Variants in AP3S2 observed in about 807,000 individuals in gnomAD.
AP3S2 encodes the protein AP-3 complex subunit sigma-2.
Under a neutral mutation model 23.4 loss-of-function variants are expected in AP3S2, and 22 were observed. That is an observed-to-expected ratio of 0.94 (90% CI 0.67 to 1.34). The LOEUF (loss-of-function observed/expected upper bound fraction) is 1.34, where lower values mean the gene tolerates loss of function less well. AP3S2 is among the 40% of genes most tolerant of loss of function. The pLI is 0.00. For missense variants in AP3S2, 241 were observed against 236.9 expected (o/e 1.02, Z -0.11); for synonymous variants, 86 against 87.1 (o/e 0.99, Z 0.07).
intron 3 of AP3S2, among the ~76,000 whole-genome samples, chr15:89,874,777 G>A (rs918899631): frequency 2.0e-5 from 3 of 152,202 alleles, no homozygotes; most frequent in Non-Finnish European, 1.5e-5. Flanking sequence ...CCAAGACCTT[G>A]TCTCTAAATA....
chr15:89,890,910 T>C lies in AP3S2; in HGVS notation c.70-1770A>G, dbSNP rs190877932. 6.4e-4 allele frequency among the ~76,000 whole-genome samples: 97 copies of C among 152,348 alleles called. No individual in the cohort carries two copies. In the South Asian group the frequency reaches 0.013, roughly 20 times the overall value. On this transcript the variant is annotated intron_variant, in intron 1 of 5. Transcript: ENST00000336418. Reference sequence around the variant, plus strand: ...TGAATGAAAACTTGCTAATCATTGGTCACTACAAATTTGAGTAAATTAATC... The same window carrying C: ...TGAATGAAAACTTGCTAATCATTGGCCACTACAAATTTGAGTAAATTAATC...
chr15:89,877,883 A>AT (rs1453960750), intron 3 of AP3S2, among the ~76,000 whole-genome samples: 2 of 152,164 alleles, frequency 1.3e-5, no homozygotes, highest in Non-Finnish European at 2.9e-5. Flanking sequence ...GAAAAATAAG[A>AT]TTTTTTTCAT....
chr15:89,861,167 T>C (rs1245506874), intron 4 of AP3S2, among the ~76,000 whole-genome samples: 1 of 152,218 alleles, frequency 6.6e-6, no homozygotes, highest in Non-Finnish European at 1.5e-5. Context: ...AATTTTGAAC[T>C]CTCAGCATTT....
intron 4 of AP3S2, among the ~76,000 whole-genome samples, chr15:89,869,118 T>C (rs886257169): frequency 6.6e-6 from 1 of 152,162 alleles, no homozygotes; most frequent in African/African-American, 2.4e-5. Context: ...GGCGGCTTTG[T>C]GGAACAGAAA....
At chr15:89,856,213 C>T (rs369484506) in intron 4 of AP3S2, among the ~76,000 whole-genome samples, 1 of 152,148 alleles carries the variant, frequency 6.6e-6, no homozygotes, top group East Asian at 1.9e-4. Context: ...CGAAACTAGC[C>T]AGTATGCACA....
At position 89,831,542 on chromosome 15, in the gene AP3S2, A is replaced by G. The variant is rs1390670383; in HGVS notation, c.*3973T>C. ...AATCATTGCTGCATCCTATTTGGAA[A>G]GCAATGGACAGACAGCCACGCTGAA... On this transcript the variant is annotated 3_prime_UTR_variant, in exon 6 of 6. Coordinates refer to ENST00000336418, the MANE Select transcript of AP3S2 (RefSeq NM_005829.5). The G allele has an allele frequency of 6.6e-6, 1 of 152,280 alleles. No homozygotes were observed. The highest frequency in any genetic ancestry group is 2.4e-5 in the African/African-American group (1 of 41,476). 9.4% of individuals were successfully genotyped at this position (152,280 alleles called of 1,614,324 possible). A position where few individuals can be genotyped will look rare whatever the true frequency, so the allele number is the denominator to read the frequency against.
chr15:89,841,436 G>C (rs1895327577), intron 4 of AP3S2, among the ~76,000 whole-genome samples: 1 of 152,146 alleles, frequency 6.6e-6, no homozygotes, highest in South Asian at 2.1e-4. Flanking sequence ...AGGGAAGCTG[G>C]TGATCTCAGA....
At chr15:89,855,931 T>A (rs1246259732) in intron 4 of AP3S2, among the ~76,000 whole-genome samples, 5 of 103,364 alleles carry the variant, frequency 4.8e-5, no homozygotes, top group East Asian at 2.6e-4. Context: ...TATGAATAAA[T>A]ATGATATGTC....
At chr15:89,879,132 G>C (rs1896512058) in intron 3 of AP3S2, among the ~76,000 whole-genome samples, 1 of 152,240 alleles carries the variant, frequency 6.6e-6, no homozygotes, top group Non-Finnish European at 1.5e-5. Flanking sequence ...TCCTGCTTTG[G>C]CCTCCCAAAG....
chr15:89,844,724 T>C (rs1895444347), intron 4 of AP3S2, among the ~76,000 whole-genome samples: 1 of 152,072 alleles, frequency 6.6e-6, no homozygotes, highest in Non-Finnish European at 1.5e-5. Flanking sequence ...TCATCTACAA[T>C]TTCCAGTTTC....
chr15:89,888,148 G>C (rs1019718013), intron 3 of AP3S2, among the ~76,000 whole-genome samples: 1 of 152,188 alleles, frequency 6.6e-6, no homozygotes, highest in African/African-American at 2.4e-5. Flanking sequence ...CTTAAAAGAA[G>C]CTCATCTAGA....
chr15:89,880,383 T>A (rs1280457934), intron 3 of AP3S2, among the ~76,000 whole-genome samples: 6 of 152,274 alleles, frequency 3.9e-5, no homozygotes. Flanking sequence ...TTACTAGGTA[T>A]GTGAAACTAT....
In AP3S2 at chr15:89,831,083, AATGT is replaced by A. The variant is rs1895067788; in HGVS notation, c.*4428_*4431del. 1 of 152,470 alleles carries A rather than the reference AATGT, an allele frequency of 6.6e-6. No homozygotes were observed. The highest frequency in any genetic ancestry group is 1.5e-5 in the Non-Finnish European group (1 of 68,206). The allele number at this position is 152,470 out of a possible 1,614,324, so 9.4% of individuals were successfully genotyped here. Reference sequence around the variant, plus strand: ...GTTTTCTTAAGTTTTGAACTACATGAATGTATTTCCTTTTTTGAAAGGAAAATTG... The same window carrying A: ...GTTTTCTTAAGTTTTGAACTACATGAATTTCCTTTTTTGAAAGGAAAATTG... On this transcript the variant is annotated 3_prime_UTR_variant, in exon 6 of 6. Coordinates refer to ENST00000336418, the MANE Select transcript of AP3S2 (RefSeq NM_005829.5).
At chr15:89,874,658 T>C (rs1481545644) in intron 3 of AP3S2, among the ~76,000 whole-genome samples, 1 of 152,170 alleles carries the variant, frequency 6.6e-6, no homozygotes, top group Non-Finnish European at 1.5e-5. Flanking sequence ...GGCACACACC[T>C]GTAGTCCCAG....
At chr15:89,845,244 A>G (rs915461671) in intron 4 of AP3S2, 1 of 152,190 alleles carries the variant, frequency 6.6e-6, no homozygotes, top group Non-Finnish European at 1.5e-5. Context: ...TTTAATCTGT[A>G]TATTATTTAA....
chr15:89,853,401 T>C (rs1371084501), intron 4 of AP3S2, among the ~76,000 whole-genome samples: 1 of 152,258 alleles, frequency 6.6e-6, no homozygotes, highest in Non-Finnish European at 1.5e-5. Context: ...TTGTAAAACA[T>C]ACTATTTTTA....
rs116839953 is a variant in AP3S2 at position 89,850,239 on chromosome 15, G to T, written c.346-12517C>A. ...GATCTTCAGACTGGACATTTCCATG[G>T]TTTTCCCTAGATGTCTTCTTGTCAT... On this transcript the variant is annotated intron_variant, in intron 4 of 5. Transcript: ENST00000336418. 7.7e-3 allele frequency among the ~76,000 whole-genome samples: 1,179 copies of T among 152,170 alleles called. 13 individuals are homozygous for T. Among genetic ancestry groups the T allele is most frequent in the African/African-American group, 0.027 (1,134 of 41,488 alleles).
Position 89,871,565 on chromosome 15 carries a change from T to C in AP3S2, c.274-19A>G, listed in dbSNP as rs770087098. 26 of 1,611,084 alleles carry C rather than the reference T, an allele frequency of 1.6e-5. No homozygotes were observed. The highest frequency in any genetic ancestry group is 2.0e-5 in the Non-Finnish European group (23 of 1,178,946). The stretch of plus-strand genomic sequence containing the variant: ...CAAAAACCTAGAAAACAAGGAGAAA[T>C]AGATAAAGAAGAGAAATAGGAACAC... On this transcript the variant is annotated intron_variant, in intron 3 of 5. Transcript: ENST00000336418.
At chr15:89,868,004 CGCCCGGCCAGCCGCCCCG>C (rs1896188386) in intron 4 of AP3S2, among the ~76,000 whole-genome samples, 1 of 144,136 alleles carries the variant, frequency 6.9e-6, no homozygotes, top group African/African-American at 2.6e-5. Flanking sequence ...GTCAGCCCCC[CGCCCGGCCAGCCGCCCCG>C]TCCAGGAGGT....
Sources: allele counts gnomAD v4.1 joint callset (sites outside exome capture counted in the v4.1 genomes callset), GRCh38; gene constraint gnomAD v4.1.1; transcripts MANE v1.5; gene names NCBI Gene and HGNC (gene_info 2026-07-23, HGNC 2026-07-21).